Variants in PLEKHA8 observed in about 807,000 individuals in gnomAD.
The protein encoded by PLEKHA8 is pleckstrin homology domain containing A8.
A neutral mutation model predicts 68.2 loss-of-function variants in PLEKHA8; 36 were observed. The observed-to-expected ratio is 0.53, with a 90% CI of 0.40 to 0.70. The LOEUF (loss-of-function observed/expected upper bound fraction) is 0.70, where lower values mean the gene tolerates loss of function less well. PLEKHA8 is among the 30% of genes least tolerant of loss of function. The pLI is 0.00. For synonymous variants in PLEKHA8, 211 were observed against 216.1 expected, an observed-to-expected ratio of 0.98 and a Z score of 0.20; for missense variants, 505 against 615.4, an observed-to-expected ratio of 0.82 and a Z score of 1.90.
chr7:30,113,812 T>G (rs1796343346), intron 13 of PLEKHA8, among the ~76,000 whole-genome samples: 1 of 152,196 alleles, frequency 6.6e-6, no homozygotes, highest in Non-Finnish European at 1.5e-5. Flanking sequence ...AATTTACTAA[T>G]TCTCCCTTCA....
intron 13 of PLEKHA8, among the ~76,000 whole-genome samples, chr7:30,075,853 C>T (rs896281685): frequency 6.6e-6 from 1 of 152,122 alleles, no homozygotes; most frequent in Non-Finnish European, 1.5e-5. Flanking sequence ...TTACCCTGTA[C>T]TTTAATGGAT....
chr7:30,116,549 C>T (rs1796571369), intron 13 of PLEKHA8, among the ~76,000 whole-genome samples: 1 of 152,098 alleles, frequency 6.6e-6, no homozygotes, highest in African/African-American at 2.4e-5. Context: ...TCTTCTGCAC[C>T]TAGCAACCTA....
intron 12 of PLEKHA8, among the ~76,000 whole-genome samples, chr7:30,063,094 C>G (rs1460401878): frequency 2.6e-5 from 4 of 152,152 alleles, no homozygotes; most frequent in African/African-American, 9.7e-5. Context: ...CAAAGAAAAG[C>G]TTGAACACCA....
chr7:30,081,150 ATAT>A lies in PLEKHA8; in HGVS notation c.*2367_*2369del, dbSNP rs1190516106. The A allele has an allele frequency of 9.1e-6, 9 of 985,408 alleles. No homozygotes were observed. Among genetic ancestry groups the A allele is most frequent in the East Asian group, 1.1e-4 (1 of 8,822 alleles). 61.0% of individuals were successfully genotyped at this position (985,408 alleles called of 1,614,324 possible). A position where few individuals can be genotyped will look rare whatever the true frequency, so the allele number is the denominator to read the frequency against. ...TAATTTGCTGGGAATGAGGGGCTTA[ATAT>A]TATCTGAGATCATTGAGAACCCAGA... On this transcript the variant is annotated 3_prime_UTR_variant, in exon 14 of 14. Coordinates refer to ENST00000449726, the MANE Select transcript of PLEKHA8 (RefSeq NM_001197026.2).
At chr7:30,029,868 A>G (rs746752437) in intron 1 of PLEKHA8, among the ~76,000 whole-genome samples, 2 of 152,270 alleles carry the variant, frequency 1.3e-5, no homozygotes, top group Non-Finnish European at 2.9e-5. Flanking sequence ...GAGGTCACAC[A>G]GCACAGCCAA....
chr7:30,094,275 C>CTTTT (rs764501216), downstream of PLEKHA8, among the ~76,000 whole-genome samples: 1 of 138,262 alleles, frequency 7.2e-6, no homozygotes. Context: ...CAAGTTTCTA[C>CTTTT]TTTTTTTTTT....
At chr7:30,111,093 C>T (rs1313127973) in intron 13 of PLEKHA8, among the ~76,000 whole-genome samples, 6 of 151,980 alleles carry the variant, frequency 3.9e-5, no homozygotes, top group African/African-American at 9.6e-5. Flanking sequence ...TTAGTAGAGA[C>T]GGAGTTTCAT....
At chr7:30,055,104 A>T (rs528118496) in intron 8 of PLEKHA8, among the ~76,000 whole-genome samples, 153 bp from the exon 9 acceptor site, 1 of 152,364 alleles carries the variant, frequency 6.6e-6, no homozygotes, top group African/African-American at 2.4e-5. Flanking sequence ...AATTTATTTT[A>T]TGAGACCATA....
chr7:30,096,425 C>G (rs1795621472), intron 13 of PLEKHA8, among the ~76,000 whole-genome samples: 1 of 152,106 alleles, frequency 6.6e-6, no homozygotes, highest in Admixed American at 6.6e-5. Context: ...AGATTTTGGG[C>G]TGAGACGATG....
chr7:30,061,224 A>G (rs1404455423), intron 10 of PLEKHA8, among the ~76,000 whole-genome samples: 1 of 152,142 alleles, frequency 6.6e-6, no homozygotes, highest in Non-Finnish European at 1.5e-5. Flanking sequence ...GTTTCACTCT[A>G]ATGTCCACAC....
At chr7:30,042,057 C>T (rs1791581679) in intron 1 of PLEKHA8, among the ~76,000 whole-genome samples, 2 of 152,130 alleles carry the variant, frequency 1.3e-5, no homozygotes, top group Admixed American at 1.3e-4. Context: ...GTGGATGAGC[C>T]TTATCCAATC....
rs571337315 is a variant in PLEKHA8, at chr7:30,045,921, A to G, written c.158-289A>G. Among the ~76,000 whole-genome samples the G allele has an allele frequency of 1.8e-4, 28 of 152,374 alleles. No homozygotes were observed. In the South Asian group the frequency reaches 5.6e-3, roughly 30 times the overall value. Reference sequence around the variant, plus strand: ...AAAGAAAGATTCCTTCTCTATTCTGATAAGAGATCAGTTTAACTGAAAAGT... The same window carrying G: ...AAAGAAAGATTCCTTCTCTATTCTGGTAAGAGATCAGTTTAACTGAAAAGT... On this transcript the variant is annotated intron_variant, in intron 2 of 13. Transcript: ENST00000449726.
chr7:30,110,211 T>C (rs1485355936), intron 13 of PLEKHA8, among the ~76,000 whole-genome samples: 4 of 152,150 alleles, frequency 2.6e-5, no homozygotes, highest in Admixed American at 2.0e-4. Flanking sequence ...AGGCAACTAA[T>C]CTTTCTGTTT....
Position 30,080,126 on chromosome 7 carries a change from A to G in PLEKHA8, c.*1339A>G. On this transcript the variant is annotated 3_prime_UTR_variant, in exon 14 of 14. Transcript: ENST00000449726. ...AGCAGGCAAAATGCAGCTGTTTATC[A>G]ATCTCAAAAGCTTTGGGACAGTGTC... is the stretch of plus-strand genomic sequence containing the variant. The G allele has an allele frequency of 1.0e-6, 1 of 985,410 alleles. No individual in the cohort carries two copies. Among genetic ancestry groups the G allele is most frequent in the Non-Finnish European group, 1.2e-6 (1 of 829,924 alleles). The allele number at this position is 985,410 out of a possible 1,614,324, so 61.0% of individuals were successfully genotyped here.
rs185140338 is a variant in PLEKHA8, at chr7:30,100,089, T to C, written c.1362+25957T>C. Reference sequence around the variant, plus strand: ...ACTCCAATCTCTGCCTCTATCTTTATGTGTCTGTTGTCTTCATGTGTCTCC... The same window carrying C: ...ACTCCAATCTCTGCCTCTATCTTTACGTGTCTGTTGTCTTCATGTGTCTCC... On this transcript the variant is annotated intron_variant, in intron 13 of 13. Coordinates refer to the PLEKHA8 transcript ENST00000396257. Among the ~76,000 whole-genome samples, 45 of 152,312 alleles carry C rather than the reference T, an allele frequency of 3.0e-4. No individual in the cohort carries two copies. The South Asian group carries it at 3.9e-3, about 13-fold the overall frequency.
chr7:30,125,755 A>G (rs1796761477), intron 13 of PLEKHA8, among the ~76,000 whole-genome samples: 1 of 152,186 alleles, frequency 6.6e-6, no homozygotes, highest in African/African-American at 2.4e-5. Context: ...CCTAGGCCCT[A>G]CTGCTGAATC....
downstream of PLEKHA8, among the ~76,000 whole-genome samples, chr7:30,092,198 T>A (rs536981329): frequency 6.6e-6 from 1 of 152,272 alleles, no homozygotes; most frequent in Non-Finnish European, 1.5e-5. Flanking sequence ...GTTATAAGGA[T>A]CAAGTCGGGA....
chr7:30,081,331 T>C lies in PLEKHA8; in HGVS notation c.*2544T>C. The C allele has an allele frequency of 1.0e-6, 1 of 984,684 alleles. No homozygotes were observed. Among genetic ancestry groups the C allele is most frequent in the Non-Finnish European group, 1.2e-6 (1 of 829,290 alleles). 61.0% of individuals were successfully genotyped at this position (984,684 alleles called of 1,614,324 possible). ...AAAGTTTGTTTAAGATGTGTAAAAG[T>C]TTGCTTAAGGAACTGAGGATCCTTA... On this transcript the variant is annotated 3_prime_UTR_variant, in exon 14 of 14. Transcript: ENST00000449726.
chr7:30,066,755 A>G (rs1378916541), intron 12 of PLEKHA8, among the ~76,000 whole-genome samples: 2 of 152,236 alleles, frequency 1.3e-5, no homozygotes, highest in South Asian at 2.1e-4. Flanking sequence ...ATATTGCCAC[A>G]TATCTCATCT....
Sources: gnomAD v4.1 joint callset for allele counts (sites outside exome capture counted in the v4.1 genomes callset) on GRCh38, gnomAD v4.1.1 for gene constraint, MANE v1.5 for transcripts, NCBI Gene and HGNC (gene_info 2026-07-23, HGNC 2026-07-21) for gene names.